The following QRICH1 variants were observed in gnomAD, a reference collection of about 807,000 sequenced individuals.
The protein encoded by QRICH1 is transcriptional regulator QRICH1.
In QRICH1, 16 loss-of-function variants were observed where a neutral mutation model predicts 87.1. That is an observed-to-expected ratio of 0.18 (90% CI 0.12 to 0.28). The LOEUF (loss-of-function observed/expected upper bound fraction) is 0.28, where lower values mean the gene tolerates loss of function less well. QRICH1 is among the 10% of genes least tolerant of loss of function. QRICH1 has a pLI of 1.00. For synonymous variants in QRICH1, 367 were observed against 368.4 expected (o/e 1.00, Z 0.05); for missense variants, 647 against 951.7 (o/e 0.68, Z 4.21).
At position 49,030,351 on chromosome 3, in the gene QRICH1, C is replaced by T. The variant is rs545187217; in HGVS notation, c.*101G>A. The T allele has an allele frequency of 2.6e-6, 3 of 1,159,316 alleles. No homozygotes were observed. The East Asian group carries it at 7.5e-5, about 29-fold the overall frequency. 71.8% of individuals were successfully genotyped at this position (1,159,316 alleles called of 1,614,324 possible). On this transcript the variant is annotated 3_prime_UTR_variant, in exon 10 of 10. Coordinates refer to ENST00000395443, the MANE Select transcript of QRICH1 (RefSeq NM_198880.3). ...CAGCCTGAAAGGCTTCGTAACTACA[C>T]CAATAAAAAAAAGAAAAAAAAAAAT...
At position 49,047,276 on chromosome 3, in the gene QRICH1, A is replaced by G. The variant is rs780204270; in HGVS notation, c.1339-30T>C. 29 of 1,586,004 alleles carry G rather than the reference A, an allele frequency of 1.8e-5. No homozygotes were observed. The Admixed American group carries it at 5.2e-4, about 29-fold the overall frequency. On this transcript the variant is annotated intron_variant, in intron 3 of 9. Transcript: ENST00000395443. The stretch of plus-strand genomic sequence containing the variant: ...AGGAGAGAAACCATGAAAATGTGTC[A>G]ATATTGTTTTATATTAGATCCTTCT...
intron 1 of QRICH1, among the ~76,000 whole-genome samples, chr3:49,084,219 T>A (rs2042125502): frequency 6.6e-6 from 1 of 152,102 alleles, no homozygotes; most frequent in Non-Finnish European, 1.5e-5. Flanking sequence ...GTGCTGGGAT[T>A]ACAGGCATGA....
At chr3:49,054,641 A>G (rs1433713450) in intron 3 of QRICH1, among the ~76,000 whole-genome samples, 1 of 152,194 alleles carries the variant, frequency 6.6e-6, no homozygotes, top group African/African-American at 2.4e-5. Flanking sequence ...GCAGTGGCTC[A>G]TGCCTGTAAT....
Position 49,057,965 on chromosome 3 carries a change from G to C in QRICH1, c.310-75C>G. Reference sequence around the variant, plus strand: ...CCAGTACCCAAGGAAAGAAAGAAAAGAGATCCCAGACAGGGGACCTGCAAA... The same window carrying C: ...CCAGTACCCAAGGAAAGAAAGAAAACAGATCCCAGACAGGGGACCTGCAAA... On this transcript the variant is annotated intron_variant, in intron 2 of 9. Coordinates refer to ENST00000395443, the MANE Select transcript of QRICH1 (RefSeq NM_198880.3). This position sits in a 1 kb window ranked among gnomAD's most constrained non-coding sequence, Gnocchi z 5.4. 1 of 1,609,450 alleles carries C rather than the reference G, an allele frequency of 6.2e-7. No homozygotes were observed. Among genetic ancestry groups the C allele is most frequent in the Non-Finnish European group, 8.5e-7 (1 of 1,179,196 alleles).
intron 1 of QRICH1, among the ~76,000 whole-genome samples, chr3:49,088,852 G>C (rs2107048982): frequency 6.6e-6 from 1 of 151,400 alleles, no homozygotes; most frequent in East Asian, 2.0e-4. Flanking sequence ...TCCAACTCCG[G>C]GGCTCAAGCA....
chr3:49,033,072 C>T, intron 7 of QRICH1, 48 bp downstream of exon 7: 1 of 1,342,320 alleles, frequency 7.4e-7, no homozygotes, highest in South Asian at 1.6e-5. Flanking sequence ...ATAGCTTCCA[C>T]ACTCTTCACT....
intron 1 of QRICH1, among the ~76,000 whole-genome samples, chr3:49,092,649 G>A (rs1400704858): frequency 6.6e-6 from 1 of 152,020 alleles, no homozygotes; most frequent in African/African-American, 2.4e-5. Context: ...AATCAAACTA[G>A]CAGATGTTTT....
Position 49,068,692 on chromosome 3 carries a change from G to A in QRICH1, c.309+8017C>T, listed in dbSNP as rs891572585. 8.0e-5 allele frequency among the ~76,000 whole-genome samples: 12 copies of A among 150,794 alleles called. No individual in the cohort carries two copies. The East Asian group carries it at 1.6e-3, about 20-fold the overall frequency. ...TGCCCAGGCTAGAGTGCAGTGGCAC[G>A]ATCTCGGCTCACTGCAACCTCCGCT... On this transcript the variant is annotated intron_variant, in intron 2 of 9. Transcript: ENST00000395443.
rs771705974 is a variant in QRICH1, at chr3:49,032,215, G to A, written c.2106C>T (p.Pro702=). The A allele has an allele frequency of 3.7e-6, 6 of 1,613,830 alleles. No homozygotes were observed. In the East Asian group the frequency reaches 1.3e-4, roughly 36 times the overall value. ...AGAGGTAGAAATCATAGAGCTTGAT[G>A]GGACATCTCAATGGATTCTCTGGAT... The part of the protein sequence containing the change: ...TENPENPLRC[P]IKLYDFYLFK... Residue 702 remains proline, a synonymous_variant, in exon 9 of 10, where the codon CCC becomes CCT. Coordinates refer to ENST00000395443, the MANE Select transcript of QRICH1 (RefSeq NM_198880.3).
chr3:49,038,217 C>T (rs560836550), intron 6 of QRICH1, among the ~76,000 whole-genome samples: 16 of 151,730 alleles, frequency 1.1e-4, no homozygotes, highest in Admixed American at 7.9e-4. Flanking sequence ...CTCACCACCA[C>T]GCCCAGCTAA....
intron 2 of QRICH1, among the ~76,000 whole-genome samples, chr3:49,068,466 TAAAA>T (rs879822428): frequency 7.2e-6 from 1 of 139,476 alleles, no homozygotes; most frequent in Non-Finnish European, 1.5e-5. Flanking sequence ...TCAAAAAAAT[TAAAA>T]AAAAAAAAAA....
chr3:49,066,244 T>C (rs557138228), intron 2 of QRICH1, among the ~76,000 whole-genome samples: 110 of 152,058 alleles, frequency 7.2e-4, no homozygotes, highest in African/African-American at 2.5e-3. Flanking sequence ...CACAAGATCA[T>C]GTCACTGTAC....
intron 1 of QRICH1, among the ~76,000 whole-genome samples, chr3:49,079,237 A>AAAC (rs2042011313): frequency 2.6e-5 from 4 of 151,836 alleles, no homozygotes; most frequent in African/African-American, 4.8e-5. Context: ...CTGTCTAAAA[A>AAAC]AAACAAACAA....
At chr3:49,055,053 T>G (rs1047943144) in intron 3 of QRICH1, among the ~76,000 whole-genome samples, 1 of 152,182 alleles carries the variant, frequency 6.6e-6, no homozygotes, top group Non-Finnish European at 1.5e-5. Context: ...AATCCTGAGT[T>G]CTTACTTTTC....
In QRICH1 at chr3:49,093,904, G is replaced by A. The variant is rs940844101; in HGVS notation, c.-22+8C>T. The A allele has an allele frequency of 3.7e-5, 14 of 381,000 alleles. No homozygotes were observed. Among genetic ancestry groups the A allele is most frequent in the African/African-American group, 2.3e-4 (11 of 47,444 alleles). 23.6% of individuals were successfully genotyped at this position (381,000 alleles called of 1,614,324 possible). Reference sequence around the variant, plus strand: ...TCGCCGCATCCCCACCCGCACTGGAGCCCTCACCCGGCGACGTCACTGCCG... The same window carrying A: ...TCGCCGCATCCCCACCCGCACTGGAACCCTCACCCGGCGACGTCACTGCCG... On this transcript the variant is annotated splice_region_variant and intron_variant, in intron 1 of 9. Transcript: ENST00000395443.
chr3:49,074,751 G>C (rs2041914524), intron 2 of QRICH1, among the ~76,000 whole-genome samples: 1 of 151,770 alleles, frequency 6.6e-6, no homozygotes, highest in Non-Finnish European at 1.5e-5. Flanking sequence ...GGCCGAGGCA[G>C]GTGGATCACG....
At chr3:49,054,356 T>C (rs998573505) in intron 3 of QRICH1, among the ~76,000 whole-genome samples, 10 of 152,210 alleles carry the variant, frequency 6.6e-5, no homozygotes, top group Admixed American at 1.3e-4. Context: ...TTCTCCTATA[T>C]GCAGTCAATT....
At chr3:49,073,596 C>T (rs761754921) in intron 2 of QRICH1, among the ~76,000 whole-genome samples, 12 of 151,126 alleles carry the variant, frequency 7.9e-5, no homozygotes, top group Non-Finnish European at 1.8e-4. Flanking sequence ...AGTTTCTCGT[C>T]TTTCAGAAAG....
intron 7 of QRICH1, 134 bp from the exon 8 acceptor site, chr3:49,032,907 T>C (rs2093250841): frequency 1.7e-6 from 2 of 1,163,386 alleles, no homozygotes; most frequent in Admixed American, 2.6e-5. Context: ...ACCCAAGCAG[T>C]GTCCAGTGCA....
Sources: gnomAD v4.1 joint callset for allele counts (sites outside exome capture counted in the v4.1 genomes callset) on GRCh38, gnomAD v4.1.1 for gene constraint, Gnocchi (gnomAD v3.1) non-coding constraint, MANE v1.5 for transcripts, NCBI Gene and HGNC (gene_info 2026-07-23, HGNC 2026-07-21) for gene names.